RIMS1: variants seen among roughly 807,000 people sequenced by gnomAD.
The protein encoded by RIMS1 is regulating synaptic membrane exocytosis 1.
RIMS1 carries 83 observed loss-of-function variants against 214.1 expected under a neutral mutation model. That is an observed-to-expected ratio of 0.39 (90% confidence interval 0.32 to 0.47). The LOEUF is 0.47. Among genes scored for constraint, RIMS1 ranks in the 20% least tolerant of loss-of-function variants. RIMS1 has a pLI of 0.99. For synonymous variants in RIMS1, 793 were observed against 786.8 expected, an observed-to-expected ratio of 1.01 and a Z score of -0.13; for missense variants, 2,050 against 2,161.8, an observed-to-expected ratio of 0.95 and a Z score of 1.03.
At position 71,961,728 on chromosome 6, in the gene RIMS1, GGTTTTGTTTT is replaced by G. The variant is rs72219026; in HGVS notation, c.165-7236_165-7227del. 6.4e-4 allele frequency among the ~76,000 whole-genome samples: 96 copies of G among 151,136 alleles called. 2 individuals are homozygous for G. The highest frequency in any genetic ancestry group is 2.2e-3 in the African/African-American group (91 of 41,294). On this transcript the variant is annotated intron_variant, in intron 1 of 33. Transcript: ENST00000521978. ...GAAATTCCTTACTTCTCAGTGGATAGGTTTTGTTTTGTTTTGTTTTGTTTTGTTATGTTAT... is the reference window on the plus strand; with the variant it reads ...GAAATTCCTTACTTCTCAGTGGATAGGTTTTGTTTTGTTTTGTTATGTTAT...
chr6:72,315,811 G>A (rs2095753159), intron 28 of RIMS1, among the ~76,000 whole-genome samples: 1 of 152,090 alleles, frequency 6.6e-6, no homozygotes, highest in South Asian at 2.1e-4. Flanking sequence ...AATGACATCA[G>A]CATAAAAGCA....
chr6:72,272,757 A>G (rs7751563), intron 22 of RIMS1, among the ~76,000 whole-genome samples: 107,473 of 152,018 alleles, frequency 0.71, 38,862 homozygotes, highest in East Asian at 0.98. Flanking sequence ...GTCTATATTT[A>G]TGTTTCCAAA....
At chr6:72,125,038 G>A (rs562398365) in intron 4 of RIMS1, among the ~76,000 whole-genome samples, 1 of 152,272 alleles carries the variant, frequency 6.6e-6, no homozygotes, top group South Asian at 2.1e-4. Context: ...AGGAGCTGCA[G>A]TCCTTTGGAG....
intron 2 of RIMS1, among the ~76,000 whole-genome samples, chr6:72,081,958 G>C (rs1733022682): frequency 6.6e-6 from 1 of 152,108 alleles, no homozygotes; most frequent in Admixed American, 6.5e-5. Context: ...ATTACATCTT[G>C]TCACTTGCCT....
intron 1 of RIMS1, among the ~76,000 whole-genome samples, chr6:71,954,678 G>T (rs1790637880): frequency 6.6e-6 from 1 of 151,236 alleles, no homozygotes; most frequent in South Asian, 2.1e-4. Flanking sequence ...ACGTTTTTTA[G>T]TCTATTAGTA....
intron 28 of RIMS1, among the ~76,000 whole-genome samples, chr6:72,331,311 A>C (rs2096651202): frequency 6.6e-6 from 1 of 151,788 alleles, no homozygotes; most frequent in Admixed American, 6.6e-5. Context: ...GGGAAGAAAA[A>C]AGGGTACATG....
chr6:71,951,360 A>G (rs535941452), intron 1 of RIMS1, among the ~76,000 whole-genome samples: 1 of 152,172 alleles, frequency 6.6e-6, no homozygotes, highest in Non-Finnish European at 1.5e-5. Flanking sequence ...CCATCACTGT[A>G]TTAATAATGA....
chr6:72,306,832 G>C (rs2095218293), intron 26 of RIMS1, among the ~76,000 whole-genome samples: 1 of 152,174 alleles, frequency 6.6e-6, no homozygotes, highest in Admixed American at 6.5e-5. Context: ...AGGGTGTTAA[G>C]TGGGTGTGTG....
chr6:72,372,555 C>A (rs909822479), intron 29 of RIMS1, among the ~76,000 whole-genome samples: 1 of 152,138 alleles, frequency 6.6e-6, no homozygotes, highest in Admixed American at 6.5e-5. Flanking sequence ...AGAAATACAG[C>A]CAAAATCAAT....
At chr6:72,057,146 TG>T (rs1262435633) in intron 2 of RIMS1, among the ~76,000 whole-genome samples, 2 of 152,176 alleles carry the variant, frequency 1.3e-5, no homozygotes, top group African/African-American at 4.8e-5. Context: ...AACCTGCATT[TG>T]TACCCCAAAC....
chr6:72,023,309 GTAAA>G (rs1405042993), intron 2 of RIMS1, among the ~76,000 whole-genome samples: 3 of 152,090 alleles, frequency 2.0e-5, no homozygotes, highest in South Asian at 2.1e-4. Context: ...CTTACGTGTT[GTAAA>G]TAAATAGCAC....
rs530958104 is a variant in RIMS1 at position 72,122,012 on chromosome 6, C to T, written c.471+22026C>T. 5.7e-4 allele frequency among the ~76,000 whole-genome samples: 86 copies of T among 151,774 alleles called. 1 individual carries two copies. Among genetic ancestry groups the T allele is most frequent in the African/African-American group, 1.9e-3 (80 of 41,466 alleles). Reference sequence around the variant, plus strand: ...ATCCCAGGGATGAAGCCAACTTGATCGTGGTGGATAAGCTTTTTGATGTGC... The same window carrying T: ...ATCCCAGGGATGAAGCCAACTTGATTGTGGTGGATAAGCTTTTTGATGTGC... On this transcript the variant is annotated intron_variant, in intron 4 of 33. Transcript: ENST00000521978.
intron 4 of RIMS1, among the ~76,000 whole-genome samples, chr6:72,129,299 C>T (rs138191032): frequency 3.9e-5 from 6 of 152,232 alleles, no homozygotes; most frequent in African/African-American, 1.4e-4. Flanking sequence ...TGTCAAATGG[C>T]ATATACATTT....
At chr6:71,973,537 C>T (rs1796409792) in intron 2 of RIMS1, among the ~76,000 whole-genome samples, 1 of 152,094 alleles carries the variant, frequency 6.6e-6, no homozygotes, top group African/African-American at 2.4e-5. Context: ...ACCAAATGCC[C>T]CTCTCAAAGG....
intron 4 of RIMS1, among the ~76,000 whole-genome samples, chr6:72,120,054 TG>T (rs2037930643): frequency 1.3e-5 from 2 of 151,908 alleles, no homozygotes; most frequent in East Asian, 3.8e-4. Context: ...AGTCTATCAT[TG>T]ATGGACATTT....
At chr6:72,197,415 CAG>C (rs2051171151) in intron 6 of RIMS1, among the ~76,000 whole-genome samples, 1 of 152,064 alleles carries the variant, frequency 6.6e-6, no homozygotes, top group Admixed American at 6.6e-5. Flanking sequence ...AAAAAACAAA[CAG>C]AACAAAATGC....
rs576847162 is a variant in RIMS1 at position 72,375,291 on chromosome 6, CTCT to C, written c.4367-15302_4367-15300del. Among the ~76,000 whole-genome samples the C allele has an allele frequency of 1.6e-3, 245 of 152,316 alleles. 1 individual carries two copies. The highest frequency in any genetic ancestry group is 5.5e-3 in the African/African-American group (227 of 41,570). On this transcript the variant is annotated intron_variant, in intron 29 of 33. Transcript: ENST00000521978. Reference sequence around the variant, plus strand: ...CTCTCTAATTAATTGATTTTTATCTCTCTTCTTACATTTTACAGAATTTCTCCT... The same window carrying C: ...CTCTCTAATTAATTGATTTTTATCTCTCTTACATTTTACAGAATTTCTCCT...
chr6:71,951,405 A>C (rs1213099385), intron 1 of RIMS1, among the ~76,000 whole-genome samples: 1 of 152,044 alleles, frequency 6.6e-6, no homozygotes, highest in African/African-American at 2.4e-5. Context: ...ACATTCAACC[A>C]AAAATTTTGG....
intron 31 of RIMS1, among the ~76,000 whole-genome samples, chr6:72,394,403 TAATATA>T (rs905296758): frequency 5.1e-4 from 78 of 152,110 alleles, no homozygotes; most frequent in African/African-American, 1.8e-3. Context: ...ATAGTCAAAA[TAATATA>T]AATATTAATA....
Sources: gnomAD v4.1 joint callset for allele counts (sites outside exome capture counted in the v4.1 genomes callset) on GRCh38, gnomAD v4.1.1 for gene constraint, MANE v1.5 for transcripts, NCBI Gene and HGNC (gene_info 2026-07-23, HGNC 2026-07-21) for gene names.